The following SYT1 variants were observed in gnomAD, a reference collection of about 807,000 sequenced individuals.
SYT1 encodes synaptotagmin 1, also known as synaptotagmin-1.
SYT1 carries 8 observed loss-of-function variants against 44.8 expected under a neutral mutation model. The ratio of observed to expected loss-of-function variants is 0.18; its 90% CI spans 0.10 to 0.32. The LOEUF (loss-of-function observed/expected upper bound fraction) is 0.32. Among genes scored for constraint, SYT1 ranks in the 10% least tolerant of loss-of-function variants. SYT1 has a pLI of 1.00. For missense variants in SYT1, 286 were observed against 509.3 expected, an observed-to-expected ratio of 0.56 and a Z score of 4.22; for synonymous variants, 154 against 188.8, an observed-to-expected ratio of 0.82 and a Z score of 1.51.
chr12:78,925,362 T>G (rs1219745522), intron 1 of SYT1, among the ~76,000 whole-genome samples: 1 of 152,010 alleles, frequency 6.6e-6, no homozygotes, highest in Non-Finnish European at 1.5e-5. Context: ...TTCAGAGTTG[T>G]CTTCAGACTC....
Position 79,256,889 on chromosome 12 carries a change from C to T in SYT1, c.167-28898C>T, listed in dbSNP as rs1877551419. Among the ~76,000 whole-genome samples, 6 of 152,284 alleles carry T rather than the reference C, an allele frequency of 3.9e-5. No individual in the cohort carries two copies. In the South Asian group the frequency reaches 1.0e-3, roughly 26 times the overall value. ...TATTATATTTTACGCAGGGTATACC[C>T]ATGATTCATCTTTAAATTAACTTCA... On this transcript the variant is annotated intron_variant, in intron 4 of 10. Transcript: ENST00000261205.
chr12:78,894,718 T>C (rs753785623), intron 1 of SYT1, among the ~76,000 whole-genome samples: 33 of 151,488 alleles, frequency 2.2e-4, no homozygotes, highest in Non-Finnish European at 4.3e-4. Context: ...TCTAAAAAAG[T>C]CAAACTCATA....
Position 79,369,412 on chromosome 12 carries a change from GC to G in SYT1, c.928+15796del, listed in dbSNP as rs560585343. Among the ~76,000 whole-genome samples, 40 of 152,274 alleles carry G rather than the reference GC, an allele frequency of 2.6e-4. 2 individuals carry two copies. In the South Asian group the frequency reaches 8.1e-3, roughly 31 times the overall value. On this transcript the variant is annotated intron_variant, in intron 9 of 10. Transcript: ENST00000261205. ...GATTGCTTGAGCCCAGGAGGCTCAA[GC>G]CCATGATCACTCATACTGCCACACT...
At chr12:79,119,318 T>C (rs1236192318) in intron 3 of SYT1, among the ~76,000 whole-genome samples, 2 of 152,182 alleles carry the variant, frequency 1.3e-5, no homozygotes, top group African/African-American at 4.8e-5. Context: ...AAACCTTTAA[T>C]GGTTCTCCAT....
At chr12:79,258,445 G>C (rs1023892616) in intron 4 of SYT1, among the ~76,000 whole-genome samples, 1 of 152,180 alleles carries the variant, frequency 6.6e-6, no homozygotes, top group African/African-American at 2.4e-5. Context: ...TTAAATACAA[G>C]TGACATGGAT....
At chr12:79,229,078 C>T (rs1221185518) in intron 4 of SYT1, among the ~76,000 whole-genome samples, 2 of 152,186 alleles carry the variant, frequency 1.3e-5, no homozygotes, top group African/African-American at 4.8e-5. Context: ...TACACATCTT[C>T]GTATCCCCCA....
intron 2 of SYT1, among the ~76,000 whole-genome samples, chr12:79,018,494 A>T (rs189439074): frequency 2.0e-5 from 3 of 152,222 alleles, no homozygotes; most frequent in Admixed American, 1.3e-4. Flanking sequence ...AAGTATAATA[A>T]TAATAAAAAA....
intron 4 of SYT1, among the ~76,000 whole-genome samples, chr12:79,236,785 G>C (rs1413611521): frequency 3.3e-5 from 5 of 152,174 alleles, no homozygotes; most frequent in Non-Finnish European, 7.3e-5. Context: ...AATCTGATAA[G>C]AGAAATAGAA....
At chr12:79,426,731 A>G (rs1869471789) in intron 9 of SYT1, among the ~76,000 whole-genome samples, 1 of 152,232 alleles carries the variant, frequency 6.6e-6, no homozygotes, top group African/African-American at 2.4e-5. Flanking sequence ...TTCTAATAAC[A>G]TTTTTTAAAA....
At chr12:79,186,077 C>A (rs1204749409) in intron 3 of SYT1, among the ~76,000 whole-genome samples, 2 of 151,756 alleles carry the variant, frequency 1.3e-5, no homozygotes, top group Admixed American at 6.6e-5. Context: ...TTCAAGGATC[C>A]CCTCAAATTT....
chr12:78,921,939 T>C (rs192827468), intron 1 of SYT1, among the ~76,000 whole-genome samples: 7 of 151,904 alleles, frequency 4.6e-5, no homozygotes, highest in Non-Finnish European at 8.8e-5. Context: ...AGAGCAAATT[T>C]AGGTCTAAGA....
chr12:79,353,211 A>T (rs947084515), intron 8 of SYT1, among the ~76,000 whole-genome samples: 7 of 152,202 alleles, frequency 4.6e-5, no homozygotes, highest in African/African-American at 1.7e-4. Flanking sequence ...CTCTTTAAAA[A>T]GTCATGTTGT....
At position 79,043,430 on chromosome 12, in the gene SYT1, C is replaced by T. The variant is rs551184343; in HGVS notation, c.-83-3867C>T. ...TTTGTTGGTTTAAAGTCTGTTTTAT[C>T]AGAGACTAGGATTGCAACCCCTGCC... On this transcript the variant is annotated intron_variant, in intron 2 of 10. Coordinates refer to ENST00000261205, the MANE Select transcript of SYT1 (RefSeq NM_005639.3). Among the ~76,000 whole-genome samples the T allele has an allele frequency of 3.3e-3, 487 of 147,692 alleles. 2 individuals carry two copies. The highest frequency in any genetic ancestry group is 2.9e-3 in the Non-Finnish European group (192 of 66,864).
At chr12:79,410,506 C>CAAAAAAAAAAAAAAAAAAA (rs5799432) in intron 9 of SYT1, among the ~76,000 whole-genome samples, 8 of 75,916 alleles carry the variant, frequency 1.1e-4, no homozygotes, top group Non-Finnish European at 1.7e-4. Flanking sequence ...TGTTCAAAGT[C>CAAAAAAAAAAAAAAAAAAA]AAAAAAAAAA....
At chr12:79,336,501 CT>C (rs969375031) in intron 8 of SYT1, among the ~76,000 whole-genome samples, 1 of 151,942 alleles carries the variant, frequency 6.6e-6, no homozygotes, top group African/African-American at 2.4e-5. Flanking sequence ...AATTCTTTGC[CT>C]TTTTTTGTGT....
intron 1 of SYT1, among the ~76,000 whole-genome samples, chr12:78,972,285 C>T (rs1044116273): frequency 1.3e-5 from 2 of 151,946 alleles, no homozygotes; most frequent in South Asian, 4.1e-4. Context: ...GCTGATATAT[C>T]ATCTGTGATT....
chr12:79,256,839 A>C (rs1241907977), intron 4 of SYT1, among the ~76,000 whole-genome samples: 5 of 152,234 alleles, frequency 3.3e-5, no homozygotes, highest in Non-Finnish European at 7.3e-5. Flanking sequence ...ACAATATTAC[A>C]AAATGTACTT....
At chr12:79,289,819 CTT>C (rs1879487987) in intron 5 of SYT1, among the ~76,000 whole-genome samples, 1 of 151,386 alleles carries the variant, frequency 6.6e-6, no homozygotes, top group South Asian at 2.1e-4. Flanking sequence ...GTGTTAAAGA[CTT>C]ATACACAGCT....
chr12:79,049,880 G>C (rs2137782193), intron 3 of SYT1, among the ~76,000 whole-genome samples: 1 of 152,128 alleles, frequency 6.6e-6, no homozygotes, highest in East Asian at 1.9e-4. Flanking sequence ...AAGACGCTTA[G>C]AGCACATTGC....
Sources: gnomAD v4.1 joint callset for allele counts (sites outside exome capture counted in the v4.1 genomes callset) on GRCh38, gnomAD v4.1.1 for gene constraint, MANE v1.5 for transcripts, NCBI Gene and HGNC (gene_info 2026-07-23, HGNC 2026-07-21) for gene names.